The following ACOX2 variants were observed in gnomAD, a reference collection of about 807,000 sequenced individuals.
ACOX2 encodes the protein acyl-CoA oxidase 2, also known as peroxisomal acyl-coenzyme A oxidase 2.
Under a neutral mutation model 77.5 loss-of-function variants are expected in ACOX2, and 59 were observed. The ratio of observed to expected loss-of-function variants is 0.76; its 90% confidence interval spans 0.62 to 0.95. The LOEUF (loss-of-function observed/expected upper bound fraction) is 0.95. Among genes scored for constraint, ACOX2 ranks in the 40% least tolerant of loss-of-function variants. The probability of loss-of-function intolerance (pLI) is 0.00; values close to 1 mark genes in which losing one functional copy is unlikely to be tolerated. For missense variants in ACOX2, 837 were observed against 880.4 expected (o/e 0.95, Z 0.62); for synonymous variants, 317 against 340.1 (o/e 0.93, Z 0.75).
chr3:58,527,187 A>T lies in ACOX2; in HGVS notation c.1156-531T>A, dbSNP rs112257416. Reference sequence around the variant, plus strand: ...GGTAGTAGGAGTTGGGGCCTTCAGGAGGTAATTAAGTCATGAGGGTGGAGG... The same window carrying T: ...GGTAGTAGGAGTTGGGGCCTTCAGGTGGTAATTAAGTCATGAGGGTGGAGG... On this transcript the variant is annotated intron_variant, in intron 9 of 14. Transcript: ENST00000302819. Among the ~76,000 whole-genome samples, 734 of 152,082 alleles carry T rather than the reference A, an allele frequency of 4.8e-3. 3 individuals are homozygous for T. Among genetic ancestry groups the T allele is most frequent in the Non-Finnish European group, 8.5e-3 (581 of 67,992 alleles).
rs1460913071 is a variant in ACOX2 at position 58,525,527 on chromosome 3, G to A, written c.1347-922C>T. ...TGCAGGCTCTGCACCAAGCTTAGGC[G>A]ATGCTAAAGCGAGCAAGGTAGGGGT... On this transcript the variant is annotated intron_variant, in intron 10 of 14. Transcript: ENST00000302819. This position sits in a 1 kb window ranked among gnomAD's most constrained non-coding sequence, Gnocchi z 5.0. 6.6e-6 allele frequency among the ~76,000 whole-genome samples: 1 copy of A among 152,222 alleles called. No homozygotes were observed. Among genetic ancestry groups the A allele is most frequent in the African/African-American group, 2.4e-5 (1 of 41,466 alleles).
chr3:58,530,512 C>A lies in ACOX2; in HGVS notation c.946G>T (p.Ala316Ser). 2 of 1,614,212 alleles carry A rather than the reference C, an allele frequency of 1.2e-6. No individual in the cohort carries two copies. Among genetic ancestry groups the A allele is most frequent in the Middle Eastern group, 3.3e-4 (2 of 6,058 alleles). ...CGGCGGATGACCGAGTAGCGCATGGCGATGACACAGGCCTTCTGCAGTATA... is the reference window on the plus strand; with the variant it reads ...CGGCGGATGACCGAGTAGCGCATGGAGATGACACAGGCCTTCTGCAGTATA... Reference protein sequence around the residue: ...LPILQKACVIAMRYSVIRRQS... With the variant: ...LPILQKACVISMRYSVIRRQS... The change falls in exon 8 of 15, where the codon GCC becomes TCC. Residue 316 changes from alanine (A) to serine (S), a missense_variant. Ala to Ser is a moderately conservative substitution (Grantham distance 99, BLOSUM62 1). Transcript: ENST00000302819.
At position 58,519,491 on chromosome 3, in the gene ACOX2, C is replaced by T. The variant is rs1391910133; in HGVS notation, c.1633-2068G>A. On this transcript the variant is annotated intron_variant, in intron 12 of 14. Coordinates refer to ENST00000302819, the MANE Select transcript of ACOX2 (RefSeq NM_003500.4). This position sits in a 1 kb window ranked among gnomAD's most constrained non-coding sequence, Gnocchi z 5.0. ...GGAGCTTTATGTGCAAAAGGCTGTA[C>T]TTTCAGGAAGCTGCAGGCAATTTAA... Among the ~76,000 whole-genome samples, 1 of 152,114 alleles carries T rather than the reference C, an allele frequency of 6.6e-6. No homozygotes were observed. Among genetic ancestry groups the T allele is most frequent in the Non-Finnish European group, 1.5e-5 (1 of 68,036 alleles).
At position 58,532,976 on chromosome 3, in the gene ACOX2, G is replaced by GGCT. The variant is rs540717179; in HGVS notation, c.583+466_583+468dup. 2.8e-4 allele frequency among the ~76,000 whole-genome samples: 43 copies of GGCT among 152,252 alleles called. No homozygotes were observed. In the East Asian group the frequency reaches 7.6e-3, roughly 27 times the overall value. On this transcript the variant is annotated intron_variant, in intron 5 of 14. Transcript: ENST00000302819. ...GGTACGGCGTTGGTGGCCTGATGGG[G>GGCT]GCTGGTGATGGGCGTGAGCCTTCCT...
chr3:58,516,302 A>G (rs1186354446), intron 13 of ACOX2, among the ~76,000 whole-genome samples: 2 of 152,218 alleles, frequency 1.3e-5, no homozygotes, highest in African/African-American at 2.4e-5. Context: ...TGTTCAAAGT[A>G]TATAATACCT....
chr3:58,513,179 G>A (rs1173852600), intron 13 of ACOX2, among the ~76,000 whole-genome samples: 2 of 151,378 alleles, frequency 1.3e-5, no homozygotes, highest in Non-Finnish European at 2.9e-5. Context: ...TTCTTTCATG[G>A]TAGGTATTAC....
rs1486637128 is a variant in ACOX2 at position 58,521,762 on chromosome 3, C to T, written c.1632+734G>A. Among the ~76,000 whole-genome samples, 1 of 152,222 alleles carries T rather than the reference C, an allele frequency of 6.6e-6. No homozygotes were observed. On this transcript the variant is annotated intron_variant, in intron 12 of 14. Coordinates refer to ENST00000302819, the MANE Select transcript of ACOX2 (RefSeq NM_003500.4). This position sits in a 1 kb window ranked among gnomAD's most constrained non-coding sequence, Gnocchi z 4.8. Reference sequence around the variant, plus strand: ...TGCCTGTCTCTCCTTCTCCCCTAGTCTCAGTCCTTCTCCTTAGGTCCTCCT... The same window carrying T: ...TGCCTGTCTCTCCTTCTCCCCTAGTTTCAGTCCTTCTCCTTAGGTCCTCCT...
In ACOX2 at chr3:58,515,460, TA is replaced by T. The variant is rs2063316092; in HGVS notation, c.1850+1745del. Among the ~76,000 whole-genome samples the T allele has an allele frequency of 6.6e-6, 1 of 152,176 alleles. No homozygotes were observed. The highest frequency in any genetic ancestry group is 1.5e-5 in the Non-Finnish European group (1 of 68,040). On this transcript the variant is annotated intron_variant, in intron 13 of 14. Transcript: ENST00000302819. This position sits in a 1 kb window ranked among gnomAD's most constrained non-coding sequence, Gnocchi z 4.0. Reference sequence around the variant, plus strand: ...AAAACCTGTCTTAAAATCTTATTTTTAAAAAATTACAAATCTTTTAGAGACA... The same window carrying T: ...AAAACCTGTCTTAAAATCTTATTTTTAAAAATTACAAATCTTTTAGAGACA...
At chr3:58,527,557 A>C (rs921716060) in intron 9 of ACOX2, among the ~76,000 whole-genome samples, 2 of 151,944 alleles carry the variant, frequency 1.3e-5, no homozygotes, top group African/African-American at 4.8e-5. Context: ...AAAAGAAAGA[A>C]AGAGGCTGCT....
rs564061086 is a variant in ACOX2, at chr3:58,514,454, T to C, written c.1850+2752A>G. On this transcript the variant is annotated intron_variant, in intron 13 of 14. Coordinates refer to ENST00000302819, the MANE Select transcript of ACOX2 (RefSeq NM_003500.4). This position sits in a 1 kb window ranked among gnomAD's most constrained non-coding sequence, Gnocchi z 4.3. ...AAAAACTGTTTGGGTCAGTTAACAT[T>C]GCAGAGAGCTTGTTCTTGGCATCCA... Among the ~76,000 whole-genome samples the C allele has an allele frequency of 3.9e-5, 6 of 152,322 alleles. No individual in the cohort carries two copies. The South Asian group carries it at 1.2e-3, about 32-fold the overall frequency.
chr3:58,529,100 C>A, intron 8 of ACOX2, 144 bp from the exon 9 acceptor site: 1 of 761,726 alleles, frequency 1.3e-6, no homozygotes, highest in South Asian at 2.8e-5. Flanking sequence ...ATTGATAATC[C>A]TTTAAAAATC....
Position 58,533,444 on chromosome 3 carries a change from C to T in ACOX2, c.583+1G>A, listed in dbSNP as rs2063455592. 2 of 1,613,462 alleles carry T rather than the reference C, an allele frequency of 1.2e-6. No individual in the cohort carries two copies. Among genetic ancestry groups the T allele is most frequent in the Non-Finnish European group, 1.7e-6 (2 of 1,179,574 alleles). ...AGGAAGGGGGGTGGATGTATACTCA[C>T]AGTCTCCAGGCCACCATTTGGTGGC... On this transcript the variant is annotated splice_donor_variant, in intron 5 of 14. Coordinates refer to ENST00000302819, the MANE Select transcript of ACOX2 (RefSeq NM_003500.4). LOFTEE classifies it high-confidence loss of function. This position sits in a 1 kb window ranked among gnomAD's most constrained non-coding sequence, Gnocchi z 5.6.
rs188162860 is a variant in ACOX2, at chr3:58,506,176, G to A, written c.1984-890C>T. On this transcript the variant is annotated intron_variant, in intron 14 of 14. Transcript: ENST00000302819. ...AGTATGTACTTAGTAAATATTTGTT[G>A]AATTGTTGAATGAATGAATCAGTAG... 2.4e-3 allele frequency among the ~76,000 whole-genome samples: 370 copies of A among 152,296 alleles called. 1 individual carries two copies. Among genetic ancestry groups the A allele is most frequent in the Admixed American group, 6.9e-3 (106 of 15,300 alleles).
rs538471818 is a variant in ACOX2 at position 58,523,955 on chromosome 3, G to T, written c.1526+471C>A. ...TGGATGAGTCCTTGGTTTTGTCCAT[G>T]TTCCCTGGAGCCTACTAGACCCTGG... On this transcript the variant is annotated intron_variant, in intron 11 of 14. Coordinates refer to ENST00000302819, the MANE Select transcript of ACOX2 (RefSeq NM_003500.4). This position sits in a 1 kb window ranked among gnomAD's most constrained non-coding sequence, Gnocchi z 5.3. 6.6e-6 allele frequency among the ~76,000 whole-genome samples: 1 copy of T among 152,146 alleles called. No homozygotes were observed. Among genetic ancestry groups the T allele is most frequent in the Non-Finnish European group, 1.5e-5 (1 of 68,032 alleles).
In ACOX2 at chr3:58,512,921, T is replaced by C. The variant is rs1460981274; in HGVS notation, c.1851-3896A>G. Among the ~76,000 whole-genome samples the C allele has an allele frequency of 6.6e-6, 1 of 152,230 alleles. No individual in the cohort carries two copies. Among genetic ancestry groups the C allele is most frequent in the Non-Finnish European group, 1.5e-5 (1 of 68,044 alleles). The stretch of plus-strand genomic sequence containing the variant: ...AGTACACTCTGTGATGTTCACATGA[T>C]GACAGACTCACCTGAAGACACATTT... On this transcript the variant is annotated intron_variant, in intron 13 of 14. Transcript: ENST00000302819. The surrounding 1 kb of genome is among the most constrained non-coding windows in gnomAD (Gnocchi z 4.8).
At position 58,534,602 on chromosome 3, in the gene ACOX2, C is replaced by G. The variant is rs753115506; in HGVS notation, c.161-80G>C. 11 of 1,610,252 alleles carry G rather than the reference C, an allele frequency of 6.8e-6. No homozygotes were observed. Among genetic ancestry groups the G allele is most frequent in the Non-Finnish European group, 9.3e-6 (11 of 1,179,072 alleles). On this transcript the variant is annotated intron_variant, in intron 2 of 14. Transcript: ENST00000302819. This position sits in a 1 kb window ranked among gnomAD's most constrained non-coding sequence, Gnocchi z 4.8. The stretch of plus-strand genomic sequence containing the variant: ...TTGAAATCTTCTCACCCACTTGCTT[C>G]ATGGATCTGGAAAGGAAGTCAGACA...
chr3:58,525,684 A>T lies in ACOX2; in HGVS notation c.1346+782T>A, dbSNP rs989489645. On this transcript the variant is annotated intron_variant, in intron 10 of 14. Coordinates refer to ENST00000302819, the MANE Select transcript of ACOX2 (RefSeq NM_003500.4). This position sits in a 1 kb window ranked among gnomAD's most constrained non-coding sequence, Gnocchi z 5.0. ...GGCCATGTTGGGTGGGAGGGGATCA[A>T]ATGCAAAGGCCTCCTGGACAGAAAG... 7.9e-5 allele frequency among the ~76,000 whole-genome samples: 12 copies of T among 152,224 alleles called. No homozygotes were observed. Among genetic ancestry groups the T allele is most frequent in the Admixed American group, 2.0e-4 (3 of 15,286 alleles).
At chr3:58,532,118 T>C (rs2063444839) in intron 5 of ACOX2, among the ~76,000 whole-genome samples, 1 of 152,160 alleles carries the variant, frequency 6.6e-6, no homozygotes, top group Admixed American at 6.5e-5. Context: ...CGCTAGACCC[T>C]GTGATAGATG....
At position 58,533,498 on chromosome 3, in the gene ACOX2, T is replaced by A; in HGVS notation, c.530A>T (p.Glu177Val). Residue 177 changes from glutamate to valine, a missense_variant, in exon 5 of 15, where the codon GAG becomes GTG. Physicochemically the swap from Glu to Val is moderately radical, Grantham distance 121. Coordinates refer to ENST00000302819, the MANE Select transcript of ACOX2 (RefSeq NM_003500.4). The surrounding 1 kb of genome is among the most constrained non-coding windows in gnomAD (Gnocchi z 5.6). ...CAGCGTGGGGCTGTGTATCACAAAC[T>A]CCTGGGTGGCTGCGTCATAGGTGGC... ...TEATYDAATQ[E>V]FVIHSPTLTA... The A allele has an allele frequency of 6.2e-7, 1 of 1,614,010 alleles. No homozygotes were observed. Among genetic ancestry groups the A allele is most frequent in the Non-Finnish European group, 8.5e-7 (1 of 1,180,002 alleles).
Sources: allele counts gnomAD v4.1 joint callset (sites outside exome capture counted in the v4.1 genomes callset), GRCh38; gene constraint gnomAD v4.1.1; non-coding constraint Gnocchi (gnomAD v3.1); transcripts MANE v1.5; gene names NCBI Gene and HGNC (gene_info 2026-07-23, HGNC 2026-07-21).